Variants in PADI2 observed in about 807,000 individuals in gnomAD.
PADI2 encodes the protein peptidyl arginine deiminase 2.
A neutral mutation model predicts 81.1 loss-of-function variants in PADI2; 70 were observed. The observed-to-expected ratio is 0.86, with a 90% CI of 0.71 to 1.05. The LOEUF (loss-of-function observed/expected upper bound fraction) is 1.05. PADI2 is among the 50% of genes least tolerant of loss of function. The probability of loss-of-function intolerance (pLI) is 0.00; values close to 1 mark genes in which losing one functional copy is unlikely to be tolerated. For missense variants in PADI2, 853 were observed against 889.9 expected, an observed-to-expected ratio of 0.96 and a Z score of 0.53; for synonymous variants, 338 against 358.0, an observed-to-expected ratio of 0.94 and a Z score of 0.63.
chr1:17,095,293 G>A (rs1018756912), intron 4 of PADI2, among the ~76,000 whole-genome samples: 4 of 152,160 alleles, frequency 2.6e-5, no homozygotes, highest in African/African-American at 7.2e-5. Context: ...AAAAATACAT[G>A]CACACCAACC....
intron 3 of PADI2, among the ~76,000 whole-genome samples, chr1:17,098,040 C>G (rs1217050878): frequency 6.6e-6 from 1 of 152,116 alleles, no homozygotes; most frequent in Non-Finnish European, 1.5e-5. Context: ...GTGACCACCC[C>G]CACCCCCTAA....
Position 17,066,931 on chromosome 1 carries a change from G to T in PADI2, c.*2113C>A, listed in dbSNP as rs2078225901. On this transcript the variant is annotated 3_prime_UTR_variant, in exon 16 of 16. Transcript: ENST00000375486. ...AAGATATTTCAACATCAAGGTGGAAGCAGGAACTTAGCTGAGTTTTGCAAC... is the reference window on the plus strand; with the variant it reads ...AAGATATTTCAACATCAAGGTGGAATCAGGAACTTAGCTGAGTTTTGCAAC... The T allele has an allele frequency of 6.6e-6, 1 of 152,178 alleles. No individual in the cohort carries two copies. The highest frequency in any genetic ancestry group is 1.5e-5 in the Non-Finnish European group (1 of 68,050). 9.4% of individuals were successfully genotyped at this position (152,178 alleles called of 1,614,324 possible). A position where few individuals can be genotyped will look rare whatever the true frequency, so the allele number is the denominator to read the frequency against.
At chr1:17,077,866 G>T (rs996093396) in intron 11 of PADI2, among the ~76,000 whole-genome samples, 3 of 152,158 alleles carry the variant, frequency 2.0e-5, no homozygotes, top group Non-Finnish European at 4.4e-5. Context: ...CCCAGCGACT[G>T]CCCTGACAAG....
chr1:17,069,811 C>G (rs962016953), intron 15 of PADI2, among the ~76,000 whole-genome samples: 2 of 152,218 alleles, frequency 1.3e-5, no homozygotes, highest in East Asian at 3.8e-4. Flanking sequence ...AGAAATCCCT[C>G]CTGTACATAA....
intron 1 of PADI2, among the ~76,000 whole-genome samples, chr1:17,118,207 G>A (rs1418378429): frequency 1.3e-5 from 2 of 152,100 alleles, no homozygotes; most frequent in African/African-American, 4.8e-5. Context: ...CATAAACCAC[G>A]ATGGTGCCTC....
At position 17,119,250 on chromosome 1, in the gene PADI2, C is replaced by T. The variant is rs141942966; in HGVS notation, c.92+30G>A. On this transcript the variant is annotated intron_variant, in intron 1 of 15. Transcript: ENST00000375486. This position sits in a 1 kb window ranked among gnomAD's most constrained non-coding sequence, Gnocchi z 4.8. Reference sequence around the variant, plus strand: ...CTCAGGATTTCTGGGCTCGAGATCTCGGCCCGGGCATCACGGTGGGCCGGC... The same window carrying T: ...CTCAGGATTTCTGGGCTCGAGATCTTGGCCCGGGCATCACGGTGGGCCGGC... 4.8e-6 allele frequency: 7 copies of T among 1,446,162 alleles called. No individual in the cohort carries two copies. The highest frequency in any genetic ancestry group is 1.7e-4 in the Middle Eastern group (1 of 5,748). The allele number at this position is 1,446,162 out of a possible 1,614,324, so 89.6% of individuals were successfully genotyped here.
intron 1 of PADI2, among the ~76,000 whole-genome samples, chr1:17,109,030 G>T (rs149242477): frequency 7.0e-4 from 107 of 152,244 alleles, no homozygotes; most frequent in Non-Finnish European, 1.2e-3. Flanking sequence ...AGCAGAGGTG[G>T]CTGAGTCCAG....
chr1:17,095,843 G>A (rs947928960), intron 4 of PADI2, 66 bp downstream of exon 4: 11 of 1,275,130 alleles, frequency 8.6e-6, no homozygotes, highest in East Asian at 7.1e-5. Context: ...AATTGCCTGC[G>A]GGATCTGGGG....
intron 4 of PADI2, among the ~76,000 whole-genome samples, chr1:17,095,572 C>G (rs1299581178): frequency 6.6e-6 from 1 of 152,150 alleles, no homozygotes; most frequent in Non-Finnish European, 1.5e-5. Flanking sequence ...CTGTCTCCCC[C>G]ACCTCCCTAG....
intron 1 of PADI2, among the ~76,000 whole-genome samples, chr1:17,114,295 T>G (rs1931684013): frequency 6.6e-6 from 1 of 152,174 alleles, no homozygotes; most frequent in Non-Finnish European, 1.5e-5. Flanking sequence ...CATTCGTTCA[T>G]TCATTCATTC....
intron 1 of PADI2, among the ~76,000 whole-genome samples, chr1:17,113,223 T>A (rs2100218322): frequency 6.6e-6 from 1 of 151,710 alleles, no homozygotes; most frequent in Non-Finnish European, 1.5e-5. Context: ...AACTCAATAC[T>A]AATACATAAC....
chr1:17,083,914 C>G, intron 8 of PADI2, 77 bp from the exon 9 acceptor site: 1 of 872,332 alleles, frequency 1.1e-6, no homozygotes, highest in Non-Finnish European at 1.9e-6. Context: ...GAGATGGTGA[C>G]AGCAGCTGGT....
At chr1:17,110,550 T>C (rs1431024444) in intron 1 of PADI2, among the ~76,000 whole-genome samples, 1 of 152,228 alleles carries the variant, frequency 6.6e-6, no homozygotes, top group Non-Finnish European at 1.5e-5. Context: ...GGCTCCTCAG[T>C]GCCTACCCAT....
At chr1:17,079,040 A>G in intron 11 of PADI2, 1 of 399,142 alleles carries the variant, frequency 2.5e-6, no homozygotes, top group Non-Finnish European at 4.5e-6. Context: ...CCACTTGGGG[A>G]AAAGAGTTGT....
intron 6 of PADI2, among the ~76,000 whole-genome samples, chr1:17,087,218 G>A (rs574735225): frequency 2.0e-5 from 3 of 152,306 alleles, no homozygotes; most frequent in Admixed American, 6.5e-5. Flanking sequence ...CATGGAAGCC[G>A]TGTTGGTGTA....
chr1:17,089,656 G>A (rs1930611316), intron 6 of PADI2, among the ~76,000 whole-genome samples: 1 of 152,124 alleles, frequency 6.6e-6, no homozygotes, highest in South Asian at 2.1e-4. Context: ...CCAGCTCCGG[G>A]CGGACTGATT....
intron 15 of PADI2, among the ~76,000 whole-genome samples, chr1:17,069,884 C>T (rs1239604428): frequency 6.6e-6 from 1 of 152,178 alleles, no homozygotes; most frequent in Non-Finnish European, 1.5e-5. Context: ...CCCAGTATCC[C>T]AGTGAAGCAG....
chr1:17,083,879 G>A (rs778733535), intron 8 of PADI2, 42 bp from the exon 9 acceptor site: 1 of 1,181,318 alleles, frequency 8.5e-7, no homozygotes, highest in South Asian at 1.2e-5. Context: ...GAGAAAGGGT[G>A]AGGAGGGGCC....
At chr1:17,088,630 C>T (rs1415408630) in intron 6 of PADI2, among the ~76,000 whole-genome samples, 1 of 151,922 alleles carries the variant, frequency 6.6e-6, no homozygotes, top group Non-Finnish European at 1.5e-5. Context: ...CTCAGGGAGC[C>T]GGGTGCAGTA....
Sources: allele counts gnomAD v4.1 joint callset (sites outside exome capture counted in the v4.1 genomes callset), GRCh38; gene constraint gnomAD v4.1.1; non-coding constraint Gnocchi (gnomAD v3.1); transcripts MANE v1.5; gene names NCBI Gene and HGNC (gene_info 2026-07-23, HGNC 2026-07-21).